Variants in CUX2 observed in about 807,000 individuals in gnomAD.
The protein encoded by CUX2 is homeobox protein cut-like 2.
A neutral mutation model predicts 144.8 loss-of-function variants in CUX2; 40 were observed. The ratio of observed to expected loss-of-function variants is 0.28; its 90% CI spans 0.21 to 0.36. The LOEUF (loss-of-function observed/expected upper bound fraction) is 0.36, where lower values mean the gene tolerates loss of function less well. CUX2 is among the 10% of genes least tolerant of loss of function. The pLI is 1.00. For synonymous variants in CUX2, 827 were observed against 875.6 expected, an observed-to-expected ratio of 0.94 and a Z score of 0.98; for missense variants, 1,615 against 1,994.0, an observed-to-expected ratio of 0.81 and a Z score of 3.62.
At chr12:111,185,547 T>G (rs991960305) in intron 1 of CUX2, among the ~76,000 whole-genome samples, 2 of 152,240 alleles carry the variant, frequency 1.3e-5, no homozygotes, top group Non-Finnish European at 1.5e-5. Flanking sequence ...AGCTGCAGGC[T>G]GGAAGGAGGT....
At chr12:111,280,026 A>G (rs992291697) in intron 4 of CUX2, among the ~76,000 whole-genome samples, 1 of 151,848 alleles carries the variant, frequency 6.6e-6, no homozygotes, top group Non-Finnish European at 1.5e-5. Context: ...GCTCGTGCCT[A>G]TAATCCCAGC....
intron 1 of CUX2, among the ~76,000 whole-genome samples, chr12:111,099,198 C>T (rs896412129): frequency 6.6e-6 from 1 of 152,180 alleles, no homozygotes; most frequent in Non-Finnish European, 1.5e-5. Context: ...AGGTCCTGCC[C>T]CAGCAGAGGC....
At chr12:111,119,105 C>A (rs868330366) in intron 1 of CUX2, among the ~76,000 whole-genome samples, 1 of 152,186 alleles carries the variant, frequency 6.6e-6, no homozygotes. Context: ...CAGCAGAGGG[C>A]AAACCTTTTC....
rs571548620 is a variant in CUX2, at chr12:111,298,080, C to T, written c.705-461C>T. ...TGGGTCACAAAGTGCTCCCCACGTG[C>T]CCCCCGCGTCTCCCACCCCCTGCTA... On this transcript the variant is annotated intron_variant, in intron 8 of 21. Coordinates refer to ENST00000261726, the MANE Select transcript of CUX2 (RefSeq NM_015267.4). Among the ~76,000 whole-genome samples the T allele has an allele frequency of 1.8e-4, 27 of 152,246 alleles. No homozygotes were observed. In the South Asian group the frequency reaches 4.8e-3, roughly 27 times the overall value.
At chr12:111,134,538 C>T (rs1041716821) in intron 1 of CUX2, among the ~76,000 whole-genome samples, 2 of 152,020 alleles carry the variant, frequency 1.3e-5, no homozygotes, top group African/African-American at 4.8e-5. Flanking sequence ...CTAACCACTC[C>T]TGGTGCCAAA....
Position 111,068,963 on chromosome 12 carries a change from G to C in CUX2, c.63+34723G>C, listed in dbSNP as rs531619551. Among the ~76,000 whole-genome samples the C allele has an allele frequency of 2.0e-5, 3 of 152,218 alleles. No homozygotes were observed. In the East Asian group the frequency reaches 5.8e-4, roughly 29 times the overall value. On this transcript the variant is annotated intron_variant, in intron 1 of 21. Coordinates refer to ENST00000261726, the MANE Select transcript of CUX2 (RefSeq NM_015267.4). This position sits in a 1 kb window ranked among gnomAD's most constrained non-coding sequence, Gnocchi z 4.9. The stretch of plus-strand genomic sequence containing the variant: ...TCTACTAATAATACAAAAAATAGCC[G>C]GACTGGGTGGCCTGTACCTGTAATC...
chr12:111,213,393 A>G (rs1244382260), intron 1 of CUX2, among the ~76,000 whole-genome samples: 2 of 152,248 alleles, frequency 1.3e-5, no homozygotes, highest in Admixed American at 6.5e-5. Context: ...CACGACCAGC[A>G]GACATTGTCT....
At chr12:111,313,310 C>G (rs566652507) in intron 16 of CUX2, among the ~76,000 whole-genome samples, 16 of 150,392 alleles carry the variant, frequency 1.1e-4, no homozygotes, top group African/African-American at 3.7e-4. Context: ...ACCTCGTGAT[C>G]CACCTGCCTC....
intron 3 of CUX2, among the ~76,000 whole-genome samples, chr12:111,220,504 G>A (rs1458415715): frequency 6.6e-6 from 1 of 152,004 alleles, no homozygotes; most frequent in Non-Finnish European, 1.5e-5. Context: ...ATCTGACTCA[G>A]GCCTGGTCAA....
At chr12:111,232,565 A>G (rs145955572) in intron 3 of CUX2, among the ~76,000 whole-genome samples, 2,694 of 152,292 alleles carry the variant, frequency 0.018, 78 homozygotes, top group African/African-American at 0.061. Context: ...TATGCAAACA[A>G]TACACCATTT....
At chr12:111,222,682 T>C (rs1881916003) in intron 3 of CUX2, among the ~76,000 whole-genome samples, 1 of 152,132 alleles carries the variant, frequency 6.6e-6, no homozygotes, top group South Asian at 2.1e-4. Flanking sequence ...CATCTGTAAA[T>C]AGGGTCAGCT....
intron 1 of CUX2, among the ~76,000 whole-genome samples, chr12:111,102,972 G>A (rs1873348906): frequency 6.6e-6 from 1 of 152,138 alleles, no homozygotes; most frequent in Non-Finnish European, 1.5e-5. Flanking sequence ...TGGATGCCTT[G>A]ATGTTTACAG....
intron 1 of CUX2, among the ~76,000 whole-genome samples, chr12:111,182,480 C>T (rs535145588): frequency 3.3e-5 from 5 of 152,234 alleles, no homozygotes; most frequent in South Asian, 2.1e-4. Flanking sequence ...TTAGCCCCCA[C>T]GTCCTTGACG....
intron 1 of CUX2, among the ~76,000 whole-genome samples, chr12:111,205,657 G>T (rs796586062): frequency 3.9e-5 from 6 of 152,256 alleles, no homozygotes; most frequent in African/African-American, 1.4e-4. Context: ...CTTACAGTCT[G>T]GTTCTCAAGG....
At position 111,328,049 on chromosome 12, in the gene CUX2, C is replaced by A. The variant is rs374858812; in HGVS notation, c.2926+5469C>A. Among the ~76,000 whole-genome samples the A allele has an allele frequency of 3.9e-5, 6 of 152,174 alleles. No homozygotes were observed. In the East Asian group the frequency reaches 5.8e-4, roughly 15 times the overall value. The stretch of plus-strand genomic sequence containing the variant: ...TTCCAGTCTGGACAATAGAGCGAGA[C>A]CCTGTCTCAAAAACAATAATAATAA... On this transcript the variant is annotated intron_variant, in intron 18 of 21. Transcript: ENST00000261726.
At position 111,308,310 on chromosome 12, in the gene CUX2, T is replaced by C. The variant is rs758567008; in HGVS notation, c.1135T>C (p.Ser379Pro). 1.2e-6 allele frequency: 2 copies of C among 1,614,104 alleles called. No individual in the cohort carries two copies. The highest frequency in any genetic ancestry group is 1.7e-5 in the Admixed American group (1 of 60,014). Residue 379 changes from serine (S) to proline (P), a missense_variant, in exon 13 of 22, where the codon TCC becomes CCC. Ser to Pro is a moderately conservative substitution (Grantham distance 74). This residue lies in a region of CUX2 where 57 missense variants were observed against 60.8 expected (regional missense o/e 0.94). Coordinates refer to ENST00000261726, the MANE Select transcript of CUX2 (RefSeq NM_015267.4). ...CATCCTGAAAGCCATGAAGCTGGCC[T>C]CCAGCACCTGCAGCCTCCCCCAGGT... ...LSILKAMKLA[S>P]STCSLPQGMA...
intron 14 of CUX2, among the ~76,000 whole-genome samples, chr12:111,309,815 TTC>T (rs1244504439): frequency 1.3e-5 from 2 of 149,214 alleles, no homozygotes; most frequent in African/African-American, 5.0e-5. Context: ...CTCATGTGAT[TTC>T]TCTCTCTGTC....
At chr12:111,102,625 T>C (rs929948337) in intron 1 of CUX2, among the ~76,000 whole-genome samples, 1 of 152,202 alleles carries the variant, frequency 6.6e-6, no homozygotes, top group African/African-American at 2.4e-5. Flanking sequence ...CTAGTCTTTG[T>C]AGAAACCCCT....
chr12:111,149,314 G>C (rs6489961), intron 1 of CUX2, among the ~76,000 whole-genome samples: 47,053 of 151,992 alleles, frequency 0.31, 10,742 homozygotes, highest in African/African-American at 0.63. Context: ...TTATGTGTGG[G>C]CCAAGACAAT....
Sources: allele counts gnomAD v4.1 joint callset (sites outside exome capture counted in the v4.1 genomes callset), GRCh38; gene constraint gnomAD v4.1.1; regional missense constraint gnomAD v4.1.1; non-coding constraint Gnocchi (gnomAD v3.1); transcripts MANE v1.5; gene names NCBI Gene and HGNC (gene_info 2026-07-23, HGNC 2026-07-21).